Variants in AIFM1 observed in about 807,000 individuals in gnomAD.
AIFM1 encodes the protein apoptosis inducing factor mitochondria associated 1, also known as apoptosis-inducing factor 1, mitochondrial.
AIFM1 carries 3 observed loss-of-function variants against 51.7 expected under a neutral mutation model. That is an observed-to-expected ratio of 0.06 (90% CI 0.03 to 0.15). AIFM1 has a LOEUF of 0.15. Among genes scored for constraint, AIFM1 ranks in the 10% least tolerant of loss-of-function variants. AIFM1 has a pLI of 1.00. For synonymous variants in AIFM1, 178 were observed against 179.4 expected (o/e 0.99, Z 0.06); for missense variants, 330 against 476.8 (o/e 0.69, Z 2.87).
intron 1 of AIFM1, among the ~76,000 whole-genome samples, chrX:130,162,383 T>G (rs953973607): frequency 8.9e-6 from 1 of 111,826 alleles, no homozygotes; most frequent in African/African-American, 3.3e-5. Context: ...AAATACAGAT[T>G]CCCAGAATTA....
chrX:130,141,818 G>T (rs1458801099), intron 6 of AIFM1, among the ~76,000 whole-genome samples: 1 of 111,673 alleles, frequency 9.0e-6, no homozygotes, highest in Non-Finnish European at 1.9e-5. Flanking sequence ...TCTACTTGTT[G>T]GTCACAATTT....
chrX:130,132,743 T>A (rs1293208102), intron 13 of AIFM1, among the ~76,000 whole-genome samples: 1 of 32,055 alleles, frequency 3.1e-5, no homozygotes, highest in Non-Finnish European at 5.2e-5. Flanking sequence ...CTGACACTCC[T>A]TTTTTTTTTT....
chrX:130,160,937 G>A (rs777280503), intron 1 of AIFM1, among the ~76,000 whole-genome samples: 18 of 109,942 alleles, frequency 1.6e-4, no homozygotes, highest in African/African-American at 5.6e-4. Flanking sequence ...ATAAACTTAA[G>A]AGTTTTTTTT....
At chrX:130,145,334 C>T (rs1161457884) in intron 6 of AIFM1, 145 bp downstream of exon 6, 6 of 501,920 alleles carry the variant, frequency 1.2e-5, no homozygotes, top group Non-Finnish European at 2.1e-5. Flanking sequence ...ACACACTCAG[C>T]ATTATTAAAC....
chrX:130,138,980 T>C (rs1569418158), intron 8 of AIFM1, among the ~76,000 whole-genome samples: 2 of 111,089 alleles, frequency 1.8e-5, no homozygotes, highest in African/African-American at 6.5e-5. Context: ...GGCAAGTAGG[T>C]GCTCCCAGCA....
In AIFM1 at chrX:130,129,537, G is replaced by T. The variant is rs753119555; in HGVS notation, c.*20C>A. The T allele has an allele frequency of 2.2e-5, 27 of 1,204,526 alleles. No homozygotes were observed. The highest frequency in any genetic ancestry group is 2.8e-5 in the Non-Finnish European group (25 of 888,806). The stretch of plus-strand genomic sequence containing the variant: ...TCCTCTCAGGGGCTGCAGTGGGTTT[G>T]CCAATTCCACTGTGGGGCTTCAGTC... On this transcript the variant is annotated 3_prime_UTR_variant, in exon 16 of 16. Transcript: ENST00000287295.
At chrX:130,138,744 G>A in intron 8 of AIFM1, 43 bp from the exon 9 acceptor site, 1 of 926,717 alleles carries the variant, frequency 1.1e-6, no homozygotes, top group Non-Finnish European at 1.6e-6. Context: ...TCCAAAAGGG[G>A]CATAGGATAA....
intron 6 of AIFM1, 60 bp downstream of exon 6, chrX:130,145,419 C>G (rs930371067): frequency 2.3e-6 from 2 of 879,473 alleles, no homozygotes; most frequent in Non-Finnish European, 3.4e-6. Context: ...ACACACATCA[C>G]CATACTGGCT....
intron 13 of AIFM1, among the ~76,000 whole-genome samples, chrX:130,132,745 T>A (rs2030149866): frequency 1.0e-5 from 1 of 95,609 alleles, no homozygotes; most frequent in African/African-American, 4.1e-5. Context: ...GACACTCCTT[T>A]TTTTTTTTTT....
In AIFM1 at chrX:130,129,409, A is replaced by G. The variant is rs2029964086; in HGVS notation, c.*148T>C. On this transcript the variant is annotated 3_prime_UTR_variant, in exon 16 of 16. Transcript: ENST00000287295. ...TTATTTCACTATGTGAACATTAAGAATTTACCTACATAGTTGAAAATATTC... is the reference window on the plus strand; with the variant it reads ...TTATTTCACTATGTGAACATTAAGAGTTTACCTACATAGTTGAAAATATTC... The G allele has an allele frequency of 5.8e-6, 3 of 517,044 alleles. No homozygotes were observed. Among genetic ancestry groups the G allele is most frequent in the Non-Finnish European group, 1.0e-5 (3 of 288,497 alleles). The allele number at this position is 517,044 out of a possible 1,213,427, so 42.6% of individuals were successfully genotyped here.
In AIFM1 at chrX:130,136,005, G is replaced by A. The variant is rs209998; in HGVS notation, c.1305+40C>T. ...CCGGGCAGACTTGTTCACAGGCTAGGGAGAATGAATTATGCCTGGTCATGC... is the reference window on the plus strand; with the variant it reads ...CCGGGCAGACTTGTTCACAGGCTAGAGAGAATGAATTATGCCTGGTCATGC... On this transcript the variant is annotated intron_variant, in intron 12 of 15. Coordinates refer to ENST00000287295, the MANE Select transcript of AIFM1 (RefSeq NM_004208.4). 0.42 allele frequency: 506,335 copies of A among 1,206,026 alleles called. 74,410 individuals carry two copies. Among genetic ancestry groups the A allele is most frequent in the African/African-American group, 0.66 (37,171 of 56,664 alleles).
chrX:130,138,537 C>T (rs2030460168), intron 9 of AIFM1, 56 bp downstream of exon 9: 2 of 841,626 alleles, frequency 2.4e-6, no homozygotes, highest in African/African-American at 2.0e-5. Context: ...CTGGGATTCA[C>T]AGAAAAGCTA....
chrX:130,131,007 A>C (rs1210606598), intron 14 of AIFM1, among the ~76,000 whole-genome samples: 3 of 112,651 alleles, frequency 2.7e-5, no homozygotes, highest in Admixed American at 1.9e-4. Context: ...TCTCCTTCTT[A>C]AACAGCACCT....
At chrX:130,159,767 TCAG>T (rs2031288042) in intron 1 of AIFM1, among the ~76,000 whole-genome samples, 1 of 106,964 alleles carries the variant, frequency 9.3e-6, no homozygotes. Flanking sequence ...TTAGGAAAGT[TCAG>T]CAGCTTTTGT....
intron 1 of AIFM1, among the ~76,000 whole-genome samples, chrX:130,158,704 T>TAAAAAA (rs56253125): frequency 2.3e-5 from 1 of 44,078 alleles, no homozygotes; most frequent in Non-Finnish European, 4.0e-5. Context: ...GCTGATGAGC[T>TAAAAAA]AAAAAAAAAA....
intron 5 of AIFM1, 93 bp from the exon 6 acceptor site, chrX:130,145,662 A>C: frequency 1.4e-6 from 1 of 692,442 alleles, no homozygotes; most frequent in Non-Finnish European, 2.2e-6. Flanking sequence ...ATTATCAGAA[A>C]CTTTAAGGGA....
chrX:130,133,184 TA>T lies in AIFM1; in HGVS notation c.1448+128del, dbSNP rs1181291718. On this transcript the variant is annotated intron_variant, in intron 13 of 15. Transcript: ENST00000287295. ...TACCTGAGGGTAGAATGTGTGGACATAAGATGGACTTTTTTCCCTTCTGTAT... is the reference window on the plus strand; with the variant it reads ...TACCTGAGGGTAGAATGTGTGGACATAGATGGACTTTTTTCCCTTCTGTAT... The T allele has an allele frequency of 4.2e-5, 36 of 861,517 alleles. No homozygotes were observed. In the African/African-American group the frequency reaches 6.2e-4, roughly 15 times the overall value. 71.0% of individuals were successfully genotyped at this position (861,517 alleles called of 1,213,427 possible).
chrX:130,130,291 T>A, intron 14 of AIFM1, 125 bp from the exon 15 acceptor site: 1 of 756,914 alleles, frequency 1.3e-6, no homozygotes, highest in Non-Finnish European at 2.0e-6. Flanking sequence ...CTAGAGGATT[T>A]ATTTCTCTAT....
At chrX:130,152,779 C>T (rs1451725116) in intron 2 of AIFM1, among the ~76,000 whole-genome samples, 1 of 111,632 alleles carries the variant, frequency 9.0e-6, no homozygotes, top group Non-Finnish European at 1.9e-5. Flanking sequence ...ATTTACAATC[C>T]GAGCAGCAGA....
Sources: gnomAD v4.1 joint callset for allele counts (sites outside exome capture counted in the v4.1 genomes callset) on GRCh38, gnomAD v4.1.1 for gene constraint, MANE v1.5 for transcripts, NCBI Gene and HGNC (gene_info 2026-07-23, HGNC 2026-07-21) for gene names.